ULK4: variants seen among roughly 807,000 people sequenced by gnomAD.
ULK4 encodes the protein inactive serine/threonine-protein kinase ULK4.
Under a neutral mutation model 160.6 loss-of-function variants are expected in ULK4, and 133 were observed. The observed-to-expected ratio is 0.83, with a 90% CI of 0.72 to 0.96. The LOEUF (loss-of-function observed/expected upper bound fraction) is 0.96, where lower values mean the gene tolerates loss of function less well. Ranked by LOEUF, ULK4 falls within the 40% of genes least tolerant of loss-of-function variation. ULK4 has a pLI of 0.00. For missense variants in ULK4, 1,580 were observed against 1,499.5 expected, an observed-to-expected ratio of 1.05 and a Z score of -0.89; for synonymous variants, 534 against 539.8, an observed-to-expected ratio of 0.99 and a Z score of 0.15.
At chr3:41,563,543 G>A (rs915392000) in intron 32 of ULK4, among the ~76,000 whole-genome samples, 2 of 152,162 alleles carry the variant, frequency 1.3e-5, no homozygotes, top group Non-Finnish European at 2.9e-5. Flanking sequence ...ATTTCTTGGA[G>A]GCTTTGTTCG....
At chr3:41,897,326 A>G (rs1025606107) in intron 14 of ULK4, among the ~76,000 whole-genome samples, 1 of 152,212 alleles carries the variant, frequency 6.6e-6, no homozygotes. Flanking sequence ...AAGACAAAAG[A>G]GCCTTTGTAT....
At chr3:41,434,031 C>G (rs1254345594) in intron 34 of ULK4, among the ~76,000 whole-genome samples, 3 of 152,144 alleles carry the variant, frequency 2.0e-5, no homozygotes, top group African/African-American at 7.2e-5. Context: ...CTATCCCAAA[C>G]TTTTTGAGTG....
At chr3:41,706,529 G>A (rs549967094) in intron 25 of ULK4, among the ~76,000 whole-genome samples, 3 of 151,016 alleles carry the variant, frequency 2.0e-5, no homozygotes, top group South Asian at 2.1e-4. Context: ...GCCCACAGTA[G>A]AAATTGGTCT....
intron 32 of ULK4, among the ~76,000 whole-genome samples, chr3:41,529,907 T>C (rs76922734): frequency 0.021 from 3,126 of 152,292 alleles, 113 homozygotes; most frequent in African/African-American, 0.072. Flanking sequence ...TATGATTCCA[T>C]CTATATAAAA....
At chr3:41,668,280 G>A (rs886621705) in intron 29 of ULK4, among the ~76,000 whole-genome samples, 1 of 152,114 alleles carries the variant, frequency 6.6e-6, no homozygotes, top group Admixed American at 6.5e-5. Context: ...TGAAAGGCTA[G>A]ACTACATTAT....
chr3:41,432,667 C>G (rs2082939395), intron 34 of ULK4, among the ~76,000 whole-genome samples: 3 of 152,204 alleles, frequency 2.0e-5, no homozygotes, highest in Non-Finnish European at 4.4e-5. Flanking sequence ...CTCCCAATTA[C>G]TTAATGATTA....
Position 41,591,323 on chromosome 3 carries a change from G to GA in ULK4, c.3120+24345dup, listed in dbSNP as rs534294790. ...AATTCTTTACCAGTATCTCTGCATG[G>GA]AAAAAAAAGAAGTGGAGGGTAGGGA... On this transcript the variant is annotated intron_variant, in intron 31 of 36. Transcript: ENST00000301831. 3.8e-4 allele frequency among the ~76,000 whole-genome samples: 58 copies of GA among 151,852 alleles called. 1 individual carries two copies. The highest frequency in any genetic ancestry group is 6.8e-4 in the Non-Finnish European group (46 of 67,910).
chr3:41,901,303 C>T (rs112132603), intron 12 of ULK4, among the ~76,000 whole-genome samples: 2,154 of 150,458 alleles, frequency 0.014, 21 homozygotes, highest in Middle Eastern at 0.027. Context: ...CCTCAGCCTC[C>T]CGAGTAGCTG....
chr3:41,247,224 A>G (rs1461205722), intron 36 of ULK4, among the ~76,000 whole-genome samples: 1 of 152,108 alleles, frequency 6.6e-6, no homozygotes, highest in Non-Finnish European at 1.5e-5. Context: ...ACCACTCACT[A>G]TCTGAGCCAC....
chr3:41,492,656 C>A (rs1288349408), intron 32 of ULK4, among the ~76,000 whole-genome samples: 3 of 151,734 alleles, frequency 2.0e-5, no homozygotes, highest in Non-Finnish European at 2.9e-5. Context: ...AGTCAAGGCC[C>A]ATCAGTATGC....
intron 32 of ULK4, among the ~76,000 whole-genome samples, chr3:41,508,325 C>A (rs1461164518): frequency 6.6e-6 from 1 of 152,174 alleles, no homozygotes; most frequent in South Asian, 2.1e-4. Context: ...CTATACCTGC[C>A]TCCACCTGGT....
rs1307598448 is a variant in ULK4 at position 41,706,887 on chromosome 3, G to GTA, written c.2635-1583_2635-1582insTA. ...TGTGTGTGTGTGTGTGTGTGTGTGT[G>GTA]TGTATATATATATAGAGAGAGAGAG... On this transcript the variant is annotated intron_variant, in intron 25 of 36. Transcript: ENST00000301831. 8.6e-5 allele frequency among the ~76,000 whole-genome samples: 11 copies of GTA among 127,554 alleles called. No homozygotes were observed. The South Asian group carries it at 1.4e-3, about 17-fold the overall frequency. The allele number at this position is 127,554 out of a possible 152,430, so 83.7% of individuals were successfully genotyped here.
At chr3:41,953,979 C>G (rs1382925278) in intron 2 of ULK4, among the ~76,000 whole-genome samples, 1 of 151,778 alleles carries the variant, frequency 6.6e-6, no homozygotes, top group African/African-American at 2.4e-5. Flanking sequence ...GTCAGGAGAT[C>G]GAGACCATCC....
intron 33 of ULK4, among the ~76,000 whole-genome samples, chr3:41,462,433 G>C (rs956667595): frequency 6.6e-6 from 1 of 152,134 alleles, no homozygotes; most frequent in South Asian, 2.1e-4. Flanking sequence ...CCATCGGTTA[G>C]ACAGAGCATT....
At chr3:41,877,492 A>C (rs1178177940) in intron 17 of ULK4, among the ~76,000 whole-genome samples, 1 of 151,796 alleles carries the variant, frequency 6.6e-6, no homozygotes, top group Non-Finnish European at 1.5e-5. Flanking sequence ...ATGCTCGGCT[A>C]ATTTTTGTAT....
intron 17 of ULK4, among the ~76,000 whole-genome samples, chr3:41,857,977 ATTTCT>A (rs1378306044): frequency 2.0e-5 from 3 of 151,358 alleles, no homozygotes; most frequent in Non-Finnish European, 4.4e-5. Context: ...GATCTTTATT[ATTTCT>A]TTTCTTCTAA....
chr3:41,556,134 T>A (rs1358161924), intron 32 of ULK4, among the ~76,000 whole-genome samples: 2 of 152,170 alleles, frequency 1.3e-5, no homozygotes, highest in Non-Finnish European at 2.9e-5. Context: ...ATGACACAAG[T>A]TTATTATCTA....
intron 32 of ULK4, among the ~76,000 whole-genome samples, chr3:41,504,794 T>C (rs893260410): frequency 1.3e-5 from 2 of 152,208 alleles, no homozygotes; most frequent in African/African-American, 4.8e-5. Context: ...TAACATTTCA[T>C]TTGCAGATAG....
chr3:41,790,007 A>T lies in ULK4; in HGVS notation c.2011-164T>A, dbSNP rs2040101436. 2.0e-5 allele frequency among the ~76,000 whole-genome samples: 3 copies of T among 152,248 alleles called. 1 individual carries two copies. In the South Asian group the frequency reaches 6.2e-4, roughly 31 times the overall value. The stretch of plus-strand genomic sequence containing the variant: ...TTGGCAATTTTCAACAAACTTAAAA[A>T]TAAAACAATCTGCCTGCCAATAAAA... On this transcript the variant is annotated intron_variant, in intron 20 of 36. Coordinates refer to ENST00000301831, the MANE Select transcript of ULK4 (RefSeq NM_017886.4).
Sources: gnomAD v4.1 joint callset for allele counts (sites outside exome capture counted in the v4.1 genomes callset) on GRCh38, gnomAD v4.1.1 for gene constraint, MANE v1.5 for transcripts, NCBI Gene and HGNC (gene_info 2026-07-23, HGNC 2026-07-21) for gene names.